Variants in BANK1 observed in about 807,000 individuals in gnomAD.
BANK1 encodes B-cell scaffold protein with ankyrin repeats.
Under a neutral mutation model 94.5 loss-of-function variants are expected in BANK1, and 95 were observed. The observed-to-expected ratio is 1.00, with a 90% CI of 0.85 to 1.19. BANK1 has a LOEUF of 1.19. Among genes scored for constraint, BANK1 ranks in the 50% most tolerant of loss-of-function variants. BANK1 has a pLI of 0.00. For synonymous variants in BANK1, 334 were observed against 308.4 expected, an observed-to-expected ratio of 1.08 and a Z score of -0.87; for missense variants, 987 against 932.2, an observed-to-expected ratio of 1.06 and a Z score of -0.77.
intron 7 of BANK1, among the ~76,000 whole-genome samples, chr4:101,986,498 C>T (rs1161301707): frequency 6.6e-6 from 1 of 151,926 alleles, no homozygotes. Context: ...AGTTTCCTTA[C>T]TTTAAAAATA....
chr4:102,073,789 C>G, intron 16 of BANK1, 41 bp downstream of exon 16: 1 of 1,518,134 alleles, frequency 6.6e-7, no homozygotes, highest in South Asian at 1.2e-5. Flanking sequence ...AAATCTAAAG[C>G]AGCCTTGTTA....
chr4:101,976,445 T>G (rs1578431565), intron 7 of BANK1, among the ~76,000 whole-genome samples: 1 of 152,200 alleles, frequency 6.6e-6, no homozygotes, highest in Non-Finnish European at 1.5e-5. Flanking sequence ...GTTATTTTAA[T>G]GGCATATTTA....
chr4:101,808,599 C>T (rs959168683), intron 1 of BANK1, among the ~76,000 whole-genome samples: 27 of 151,520 alleles, frequency 1.8e-4, no homozygotes, highest in Admixed American at 1.2e-3. Context: ...AAAATATTTG[C>T]AAACTATGCG....
rs533937271 is a variant in BANK1, at chr4:101,946,226, A to G, written c.1206+28037A>G. On this transcript the variant is annotated intron_variant, in intron 7 of 16. Coordinates refer to ENST00000322953, the MANE Select transcript of BANK1 (RefSeq NM_017935.5). ...AAATGAAGTTTTATAATGTTATGCGATGAGATAATATTTAAAAAGAACATG... is the reference window on the plus strand; with the variant it reads ...AAATGAAGTTTTATAATGTTATGCGGTGAGATAATATTTAAAAAGAACATG... 2.0e-5 allele frequency among the ~76,000 whole-genome samples: 3 copies of G among 152,124 alleles called. No individual in the cohort carries two copies. In the South Asian group the frequency reaches 6.2e-4, roughly 31 times the overall value.
At chr4:101,915,014 A>G (rs1056129630) in intron 6 of BANK1, among the ~76,000 whole-genome samples, 1 of 152,116 alleles carries the variant, frequency 6.6e-6, no homozygotes, top group Admixed American at 6.6e-5. Context: ...GGTGACTCAA[A>G]TTTTTCATTG....
At chr4:101,988,440 G>GT (rs1476555753) in intron 7 of BANK1, among the ~76,000 whole-genome samples, 3 of 152,050 alleles carry the variant, frequency 2.0e-5, no homozygotes, top group Non-Finnish European at 4.4e-5. Flanking sequence ...TTTTGTTATT[G>GT]TTGCTTTGAG....
At chr4:102,000,342 A>C (rs1170174852) in intron 7 of BANK1, among the ~76,000 whole-genome samples, 1 of 151,696 alleles carries the variant, frequency 6.6e-6, no homozygotes, top group Admixed American at 6.6e-5. Flanking sequence ...AAAAAAAAAA[A>C]AAAACAGTGA....
chr4:101,810,172 A>C (rs2148853999), intron 1 of BANK1, among the ~76,000 whole-genome samples: 1 of 152,302 alleles, frequency 6.6e-6, no homozygotes, highest in Middle Eastern at 3.4e-3. Context: ...GAAGCTGAAA[A>C]ATGCAAGTAA....
rs539680647 is a variant in BANK1 at position 101,942,286 on chromosome 4, A to G, written c.1206+24097A>G. On this transcript the variant is annotated intron_variant, in intron 7 of 16. Coordinates refer to ENST00000322953, the MANE Select transcript of BANK1 (RefSeq NM_017935.5). ...ACCTTAGAGCCAGCTTTTAATGCAT[A>G]TGAAAGTTCTATGCCACCAGGCAGC... is the stretch of plus-strand genomic sequence containing the variant. Among the ~76,000 whole-genome samples the G allele has an allele frequency of 2.6e-5, 4 of 152,028 alleles. No individual in the cohort carries two copies. In the East Asian group the frequency reaches 5.8e-4, roughly 22 times the overall value.
chr4:101,802,720 T>G (rs1337692845), intron 1 of BANK1, among the ~76,000 whole-genome samples: 1 of 150,428 alleles, frequency 6.6e-6, no homozygotes, highest in Non-Finnish European at 1.5e-5. Flanking sequence ...ATACCTCACG[T>G]TTTTTTCTTT....
At chr4:101,983,446 C>T (rs1482643866) in intron 7 of BANK1, among the ~76,000 whole-genome samples, 1 of 151,956 alleles carries the variant, frequency 6.6e-6, no homozygotes, top group African/African-American at 2.4e-5. Flanking sequence ...TTTCCTCATC[C>T]ATAAAACAGT....
chr4:102,054,502 A>G (rs1157443978), intron 11 of BANK1, among the ~76,000 whole-genome samples: 2 of 152,094 alleles, frequency 1.3e-5, no homozygotes, highest in East Asian at 1.9e-4. Flanking sequence ...TCCAAATACC[A>G]TGTTATACAA....
intron 1 of BANK1, among the ~76,000 whole-genome samples, chr4:101,812,478 A>C (rs1032311502): frequency 2.0e-5 from 3 of 151,988 alleles, no homozygotes; most frequent in African/African-American, 7.2e-5. Flanking sequence ...AGTGAGATTC[A>C]TTAAATAAAA....
At position 102,073,664 on chromosome 4, in the gene BANK1, A is replaced by G. The variant is rs1317853345; in HGVS notation, c.2299-20A>G. Reference sequence around the variant, plus strand: ...GGACAAATCGAGAAATACTAGCTCTATATCTTTATTTTTTTTCAGCTTCCT... The same window carrying G: ...GGACAAATCGAGAAATACTAGCTCTGTATCTTTATTTTTTTTCAGCTTCCT... On this transcript the variant is annotated intron_variant, in intron 15 of 16. Transcript: ENST00000322953. The G allele has an allele frequency of 1.2e-5, 20 of 1,606,524 alleles. No homozygotes were observed. Among genetic ancestry groups the G allele is most frequent in the Non-Finnish European group, 1.5e-5 (18 of 1,175,062 alleles).
At chr4:101,944,647 T>C (rs1473563122) in intron 7 of BANK1, among the ~76,000 whole-genome samples, 1 of 151,970 alleles carries the variant, frequency 6.6e-6, no homozygotes, top group Non-Finnish European at 1.5e-5. Context: ...AGCAGAGCCC[T>C]TCAAAGGACA....
rs146400684 is a variant in BANK1, at chr4:101,914,590, G to C, written c.1010-3403G>C. 4.1e-3 allele frequency among the ~76,000 whole-genome samples: 624 copies of C among 152,250 alleles called. 4 individuals are homozygous for C. Among genetic ancestry groups the C allele is most frequent in the African/African-American group, 0.014 (566 of 41,546 alleles). On this transcript the variant is annotated intron_variant, in intron 6 of 16. Transcript: ENST00000322953. ...ATGCTGAACCTTTGCTCCTAGGAGAGTTATAGGGTTAGGTTCCTGTGAGCT... is the reference window on the plus strand; with the variant it reads ...ATGCTGAACCTTTGCTCCTAGGAGACTTATAGGGTTAGGTTCCTGTGAGCT...
intron 11 of BANK1, among the ~76,000 whole-genome samples, chr4:102,050,519 A>G (rs963771466): frequency 2.6e-5 from 4 of 152,216 alleles, no homozygotes; most frequent in Non-Finnish European, 5.9e-5. Context: ...CCACCAAAAG[A>G]AACTATGTTT....
At chr4:101,927,827 T>G (rs753774763) in intron 7 of BANK1, among the ~76,000 whole-genome samples, 44 of 151,598 alleles carry the variant, frequency 2.9e-4, no homozygotes, top group Non-Finnish European at 5.3e-4. Flanking sequence ...AAATGCCTAC[T>G]ATGTTCCAAA....
chr4:101,837,488 A>G (rs1321916182), intron 2 of BANK1, among the ~76,000 whole-genome samples: 2 of 152,200 alleles, frequency 1.3e-5, no homozygotes, highest in East Asian at 1.9e-4. Flanking sequence ...ATTTTGTCCC[A>G]AAGAGTTTCT....
Sources: gnomAD v4.1 joint callset for allele counts (sites outside exome capture counted in the v4.1 genomes callset) on GRCh38, gnomAD v4.1.1 for gene constraint, MANE v1.5 for transcripts, NCBI Gene and HGNC (gene_info 2026-07-23, HGNC 2026-07-21) for gene names.